The following EYS variants were observed in gnomAD, a reference collection of about 807,000 sequenced individuals.
EYS encodes the protein protein eyes shut homolog.
In EYS, 250 loss-of-function variants were observed where a neutral mutation model predicts 282.1. That is an observed-to-expected ratio of 0.89 (90% CI 0.80 to 0.98). EYS has a LOEUF of 0.98. EYS is among the 50% of genes least tolerant of loss of function. EYS has a pLI of 0.00. For synonymous variants in EYS, 1,355 were observed against 1,282.9 expected (o/e 1.06, Z -1.20); for missense variants, 4,016 against 3,709.0 (o/e 1.08, Z -2.15).
chr6:65,622,330 C>T (rs1052331932), intron 2 of EYS, among the ~76,000 whole-genome samples: 34 of 152,100 alleles, frequency 2.2e-4, no homozygotes, highest in African/African-American at 7.5e-4. Context: ...AGTTAGAGCA[C>T]CAACTTAAAT....
intron 5 of EYS, among the ~76,000 whole-genome samples, chr6:65,465,146 C>T (rs1391825481): frequency 6.6e-6 from 1 of 151,922 alleles, no homozygotes; most frequent in African/African-American, 2.4e-5. Context: ...GAGAAGAACA[C>T]CAAGAGAGAA....
chr6:64,813,837 G>A (rs554794332), intron 21 of EYS, among the ~76,000 whole-genome samples: 1 of 151,996 alleles, frequency 6.6e-6, no homozygotes, highest in South Asian at 2.1e-4. Flanking sequence ...GATGTATCAT[G>A]TCAGAGAACT....
chr6:65,344,838 T>G (rs988769549), intron 9 of EYS, among the ~76,000 whole-genome samples: 5 of 151,764 alleles, frequency 3.3e-5, no homozygotes, highest in African/African-American at 1.2e-4. Flanking sequence ...TTAATAGTGG[T>G]AATAAAAGAA....
At chr6:63,721,979 C>A (rs1034550496) in intron 42 of EYS, among the ~76,000 whole-genome samples, 182 bp from the exon 43 acceptor site, 1 of 152,080 alleles carries the variant, frequency 6.6e-6, no homozygotes, top group Non-Finnish European at 1.5e-5. Flanking sequence ...TGTATTCTTT[C>A]ATTTTGTTCA....
chr6:65,278,596 A>G (rs1423268303), intron 12 of EYS, among the ~76,000 whole-genome samples: 2 of 151,876 alleles, frequency 1.3e-5, no homozygotes, highest in East Asian at 3.9e-4. Flanking sequence ...TATTCACCCC[A>G]GTTACTGATA....
At chr6:63,873,419 T>G (rs1308857860) in intron 35 of EYS, among the ~76,000 whole-genome samples, 1 of 152,194 alleles carries the variant, frequency 6.6e-6, no homozygotes, top group African/African-American at 2.4e-5. Flanking sequence ...ACATTTGGGT[T>G]GGTTCCAAGT....
intron 32 of EYS, among the ~76,000 whole-genome samples, chr6:64,076,136 C>T (rs1022801230): frequency 6.6e-6 from 1 of 151,886 alleles, no homozygotes; most frequent in Non-Finnish European, 1.5e-5. Context: ...TAAGTAAATG[C>T]GTGAAAACAT....
chr6:65,467,272 AAGTT>A (rs768752053), intron 5 of EYS, among the ~76,000 whole-genome samples: 2 of 152,162 alleles, frequency 1.3e-5, no homozygotes, highest in Non-Finnish European at 2.9e-5. Context: ...ATTGGAAGAT[AAGTT>A]AGTTATTCTA....
intron 35 of EYS, among the ~76,000 whole-genome samples, chr6:63,943,287 T>C (rs1765296707): frequency 1.3e-5 from 2 of 152,224 alleles, no homozygotes; most frequent in South Asian, 4.1e-4. Flanking sequence ...AACTCAGAGT[T>C]AACTTACTTA....
At chr6:65,503,462 C>G (rs913919440) in intron 2 of EYS, among the ~76,000 whole-genome samples, 2 of 151,548 alleles carry the variant, frequency 1.3e-5, no homozygotes, top group Non-Finnish European at 3.0e-5. Flanking sequence ...TTAAAAAAGT[C>G]CAAATTTCCA....
chr6:65,382,055 A>G (rs984303430), intron 8 of EYS, among the ~76,000 whole-genome samples: 1 of 151,826 alleles, frequency 6.6e-6, no homozygotes, highest in African/African-American at 2.4e-5. Flanking sequence ...TCTAATATAA[A>G]TTTAGGTGGG....
intron 26 of EYS, among the ~76,000 whole-genome samples, chr6:64,456,985 C>T (rs1304128311): frequency 6.6e-6 from 1 of 151,796 alleles, no homozygotes; most frequent in Admixed American, 6.6e-5. Context: ...TTATTATGAC[C>T]TTTTTTGATG....
At chr6:65,194,242 A>G (rs1225349479) in intron 12 of EYS, among the ~76,000 whole-genome samples, 4 of 151,412 alleles carry the variant, frequency 2.6e-5, no homozygotes, top group African/African-American at 9.8e-5. Context: ...AAAACAATCA[A>G]ACAAACAAGA....
chr6:64,814,226 G>A (rs974264368), intron 21 of EYS, among the ~76,000 whole-genome samples: 2 of 151,976 alleles, frequency 1.3e-5, no homozygotes, highest in Non-Finnish European at 2.9e-5. Context: ...GAGGAATCTG[G>A]ATAATACCTG....
At chr6:65,010,170 G>A (rs1771821384) in intron 13 of EYS, among the ~76,000 whole-genome samples, 1 of 152,210 alleles carries the variant, frequency 6.6e-6, no homozygotes, top group Non-Finnish European at 1.5e-5. Flanking sequence ...ACAGGTCCGA[G>A]GGACAAGCTT....
intron 5 of EYS, among the ~76,000 whole-genome samples, chr6:65,488,415 C>T (rs900474071): frequency 1.3e-5 from 2 of 151,962 alleles, no homozygotes; most frequent in African/African-American, 4.8e-5. Context: ...TTATTTCTGC[C>T]TTCATTTTGT....
At chr6:65,205,740 C>G (rs12206025) in intron 12 of EYS, among the ~76,000 whole-genome samples, 6,463 of 151,950 alleles carry the variant, frequency 0.043, 188 homozygotes, top group Middle Eastern at 0.065. Flanking sequence ...AAGAAGAACT[C>G]TCAAAACCAC....
intron 35 of EYS, among the ~76,000 whole-genome samples, chr6:63,887,024 G>A (rs955202308): frequency 3.3e-5 from 5 of 152,156 alleles, no homozygotes; most frequent in African/African-American, 9.7e-5. Context: ...TCAAAGGGCA[G>A]GTAGGTCAGG....
intron 22 of EYS, among the ~76,000 whole-genome samples, chr6:64,698,940 G>A (rs1036728234): frequency 6.6e-6 from 1 of 152,134 alleles, no homozygotes; most frequent in Admixed American, 6.5e-5. Flanking sequence ...GCTAAAAGCA[G>A]AACTATGATT....
Sources: allele counts gnomAD v4.1 joint callset (sites outside exome capture counted in the v4.1 genomes callset), GRCh38; gene constraint gnomAD v4.1.1; transcripts MANE v1.5; gene names NCBI Gene and HGNC (gene_info 2026-07-23, HGNC 2026-07-21).